Variants in CPQ observed in about 807,000 individuals in gnomAD.
CPQ encodes Ser-Met dipeptidase.
CPQ carries 37 observed loss-of-function variants against 45.7 expected under a neutral mutation model. That is an observed-to-expected ratio of 0.81 (90% CI 0.62 to 1.07). CPQ has a LOEUF of 1.07. Ranked by LOEUF, CPQ falls within the 50% of genes least tolerant of loss-of-function variation. The pLI is 0.00. For missense variants in CPQ, 537 were observed against 572.9 expected (o/e 0.94, Z 0.64); for synonymous variants, 186 against 205.8 (o/e 0.90, Z 0.82).
chr8:97,020,497 A>G (rs1809660326), intron 5 of CPQ, among the ~76,000 whole-genome samples: 1 of 152,166 alleles, frequency 6.6e-6, no homozygotes, highest in South Asian at 2.1e-4. Context: ...ACAAGGAAAG[A>G]AGAGAGAAAA....
intron 6 of CPQ, among the ~76,000 whole-genome samples, chr8:97,034,054 C>T (rs1469379493): frequency 1.3e-5 from 2 of 151,974 alleles, no homozygotes; most frequent in African/African-American, 4.8e-5. Context: ...ATAATACGTG[C>T]TAGAATTTAC....
At chr8:97,079,923 T>C (rs914894812) in intron 7 of CPQ, among the ~76,000 whole-genome samples, 2 of 152,088 alleles carry the variant, frequency 1.3e-5, no homozygotes, top group Non-Finnish European at 2.9e-5. Flanking sequence ...GGAATCTCAG[T>C]TGGGATCTGA....
intron 1 of CPQ, among the ~76,000 whole-genome samples, chr8:96,668,287 A>G (rs1319486245): frequency 1.3e-5 from 2 of 152,242 alleles, no homozygotes; most frequent in Non-Finnish European, 2.9e-5. Context: ...GCAAGTTACC[A>G]TAATATATGT....
chr8:96,915,279 A>T (rs1413254868), intron 4 of CPQ, among the ~76,000 whole-genome samples: 1 of 152,070 alleles, frequency 6.6e-6, no homozygotes, highest in African/African-American at 2.4e-5. Context: ...AAGCATCTGT[A>T]ACTTCCTATT....
At chr8:96,699,916 A>T (rs138378617) in intron 1 of CPQ, among the ~76,000 whole-genome samples, 26 of 152,304 alleles carry the variant, frequency 1.7e-4, no homozygotes, top group African/African-American at 6.3e-4. Flanking sequence ...AGGAGAAAGA[A>T]GATGACATTG....
chr8:96,796,351 A>G (rs537930037), intron 2 of CPQ, among the ~76,000 whole-genome samples: 2 of 152,308 alleles, frequency 1.3e-5, no homozygotes, highest in Admixed American at 6.5e-5. Flanking sequence ...CTTTAATGAT[A>G]TTCTAATTGA....
chr8:96,785,464 C>CT, intron 2 of CPQ, 134 bp downstream of exon 2: 1 of 703,906 alleles, frequency 1.4e-6, no homozygotes, highest in East Asian at 2.8e-5. Flanking sequence ...GTTCTCTACC[C>CT]TTTTTTGTCC....
chr8:96,676,097 T>C (rs959369031), intron 1 of CPQ, among the ~76,000 whole-genome samples: 6 of 152,040 alleles, frequency 3.9e-5, no homozygotes, highest in Non-Finnish European at 7.4e-5. Flanking sequence ...GGATATCTAT[T>C]ACCTCAAACA....
chr8:97,081,091 C>T (rs1050075545), intron 7 of CPQ, among the ~76,000 whole-genome samples: 1 of 152,098 alleles, frequency 6.6e-6, no homozygotes, highest in African/African-American at 2.4e-5. Flanking sequence ...TTGCTGGATA[C>T]ATCTTTATAA....
chr8:97,008,630 G>A (rs1419154287), intron 5 of CPQ, among the ~76,000 whole-genome samples: 9 of 152,154 alleles, frequency 5.9e-5, no homozygotes, highest in Non-Finnish European at 1.3e-4. Flanking sequence ...TAAGCTGTGA[G>A]CTTTGCTATC....
chr8:96,970,664 C>T (rs1482405740), intron 5 of CPQ, among the ~76,000 whole-genome samples: 3 of 151,768 alleles, frequency 2.0e-5, no homozygotes, highest in Non-Finnish European at 2.9e-5. Flanking sequence ...CCCGGGTTCA[C>T]GCCATTCTCC....
At chr8:96,704,777 G>T (rs975320379) in intron 1 of CPQ, among the ~76,000 whole-genome samples, 3 of 152,114 alleles carry the variant, frequency 2.0e-5, no homozygotes, top group Non-Finnish European at 4.4e-5. Context: ...ATGGGAGAGA[G>T]ACTACTGAGT....
chr8:96,777,723 A>AATATATATATATATATATAT (rs71267279), intron 1 of CPQ, among the ~76,000 whole-genome samples: 7 of 37,840 alleles, frequency 1.8e-4, no homozygotes, highest in Non-Finnish European at 3.1e-4. Flanking sequence ...TGTCTTAGAA[A>AATATATATATATATATATAT]ATATATATAT....
intron 4 of CPQ, among the ~76,000 whole-genome samples, chr8:96,962,311 T>C (rs1336588976): frequency 1.3e-5 from 2 of 152,216 alleles, no homozygotes; most frequent in Non-Finnish European, 2.9e-5. Flanking sequence ...TACTCTATAC[T>C]GCATTTGGAA....
At chr8:97,027,870 ATGACATGATC>A (rs1809828896) in intron 5 of CPQ, among the ~76,000 whole-genome samples, 2 of 152,204 alleles carry the variant, frequency 1.3e-5, no homozygotes. Flanking sequence ...GAGCCAAGAA[ATGACATGATC>A]TGGCTTAGCT....
intron 5 of CPQ, among the ~76,000 whole-genome samples, chr8:97,013,735 A>C (rs2130443376): frequency 6.6e-6 from 1 of 152,244 alleles, no homozygotes. Context: ...GTTGGAGGTA[A>C]CTCTTGGAGG....
intron 5 of CPQ, among the ~76,000 whole-genome samples, chr8:97,020,270 A>G (rs1192864620): frequency 6.6e-6 from 1 of 152,256 alleles, no homozygotes; most frequent in East Asian, 1.9e-4. Flanking sequence ...CCTACATCAA[A>G]AAGTCTGAAA....
chr8:96,747,709 G>T (rs754871763), intron 1 of CPQ, among the ~76,000 whole-genome samples: 30 of 152,184 alleles, frequency 2.0e-4, no homozygotes, highest in Non-Finnish European at 4.3e-4. Context: ...TGAGGGGTTT[G>T]CAATGAGGTC....
intron 7 of CPQ, among the ~76,000 whole-genome samples, chr8:97,137,644 T>C (rs1028478055): frequency 6.6e-6 from 1 of 152,178 alleles, no homozygotes; most frequent in African/African-American, 2.4e-5. Flanking sequence ...ATAAAGTATT[T>C]TCTGGTTTTA....
Sources: allele counts gnomAD v4.1 joint callset (sites outside exome capture counted in the v4.1 genomes callset), GRCh38; gene constraint gnomAD v4.1.1; transcripts MANE v1.5; gene names NCBI Gene and HGNC (gene_info 2026-07-23, HGNC 2026-07-21).